RIDA: variants seen among roughly 807,000 people sequenced by gnomAD.
RIDA encodes reactive intermediate imine deaminase A, also known as 2-iminobutanoate/2-iminopropanoate deaminase.
A neutral mutation model predicts 17.8 loss-of-function variants in RIDA; 17 were observed. The observed-to-expected ratio is 0.96, with a 90% CI of 0.65 to 1.43. The LOEUF (loss-of-function observed/expected upper bound fraction) is 1.43. RIDA is among the 40% of genes most tolerant of loss of function. RIDA has a pLI of 0.00. For synonymous variants in RIDA, 48 were observed against 55.7 expected (o/e 0.86, Z 0.62); for missense variants, 158 against 161.7 (o/e 0.98, Z 0.12).
At chr8:98,115,388 CAAAAAAAAAA>C (rs766262204) in intron 1 of RIDA, among the ~76,000 whole-genome samples, 1 of 41,136 alleles carries the variant, frequency 2.4e-5, no homozygotes, top group Non-Finnish European at 4.2e-5. Flanking sequence ...ACTCTGCCTC[CAAAAAAAAAA>C]AAAAAAAAAA....
Sources: allele counts gnomAD v4.1 joint callset (sites outside exome capture counted in the v4.1 genomes callset), GRCh38; gene constraint gnomAD v4.1.1; transcripts MANE v1.5; gene names NCBI Gene and HGNC (gene_info 2026-07-23, HGNC 2026-07-21).